CTNNA3: variants seen among roughly 807,000 people sequenced by gnomAD.
CTNNA3 encodes the protein catenin alpha-3.
Under a neutral mutation model 95.7 loss-of-function variants are expected in CTNNA3, and 76 were observed. The observed-to-expected ratio is 0.79, with a 90% confidence interval of 0.66 to 0.96. CTNNA3 has a LOEUF of 0.96. CTNNA3 is among the 40% of genes least tolerant of loss of function. The probability of loss-of-function intolerance (pLI) is 0.00; values close to 1 mark genes in which losing one functional copy is unlikely to be tolerated. For synonymous variants in CTNNA3, 431 were observed against 374.4 expected (o/e 1.15, Z -1.74); for missense variants, 1,191 against 1,089.8 (o/e 1.09, Z -1.31).
At chr10:66,732,883 C>T (rs747508695) in intron 9 of CTNNA3, among the ~76,000 whole-genome samples, 1 of 152,068 alleles carries the variant, frequency 6.6e-6, no homozygotes. Flanking sequence ...GCAACCTCCA[C>T]CTCCCAGGTT....
intron 5 of CTNNA3, among the ~76,000 whole-genome samples, chr10:67,446,269 C>CCCACCCCTACTCCCTAGT: frequency 6.6e-6 from 1 of 152,140 alleles, no homozygotes; most frequent in Non-Finnish European, 1.5e-5. Flanking sequence ...CTCCTACACT[C>CCCACCCCTACTCCCTAGT]CCACCCCTAC....
chr10:66,493,207 A>G (rs1286006366), intron 11 of CTNNA3, among the ~76,000 whole-genome samples: 4 of 152,180 alleles, frequency 2.6e-5, no homozygotes, highest in Admixed American at 6.5e-5. Context: ...CAGGAAACTA[A>G]TGTTCTAACC....
chr10:66,774,528 A>G (rs937849832), intron 8 of CTNNA3, among the ~76,000 whole-genome samples: 1 of 150,524 alleles, frequency 6.6e-6, no homozygotes, highest in African/African-American at 2.5e-5. Flanking sequence ...AGACTTCAAC[A>G]TTATGTTTTT....
chr10:67,669,405 A>G (rs1036645592), intron 1 of CTNNA3, among the ~76,000 whole-genome samples: 3 of 152,180 alleles, frequency 2.0e-5, no homozygotes, highest in Non-Finnish European at 1.5e-5. Flanking sequence ...CCCAAGATTA[A>G]CTATAGAAGG....
At chr10:67,459,589 G>C (rs78041827) in intron 5 of CTNNA3, among the ~76,000 whole-genome samples, 4,802 of 152,174 alleles carry the variant, frequency 0.032, 220 homozygotes, top group African/African-American at 0.098. Context: ...ATAAGATTTA[G>C]AATTCATGAC....
At chr10:67,501,550 A>C (rs1839233643) in intron 5 of CTNNA3, among the ~76,000 whole-genome samples, 1 of 152,148 alleles carries the variant, frequency 6.6e-6, no homozygotes, top group Non-Finnish European at 1.5e-5. Flanking sequence ...TAGTATCCTG[A>C]AGAGTGTTTT....
intron 13 of CTNNA3, among the ~76,000 whole-genome samples, chr10:66,233,082 C>A (rs1483731378): frequency 1.4e-5 from 2 of 141,136 alleles, no homozygotes; most frequent in Non-Finnish European, 3.0e-5. Context: ...ATGGCGTGAA[C>A]CCGGGAGGCG....
At chr10:66,986,216 T>C (rs1403589792) in intron 7 of CTNNA3, among the ~76,000 whole-genome samples, 1 of 152,098 alleles carries the variant, frequency 6.6e-6, no homozygotes, top group Non-Finnish European at 1.5e-5. Flanking sequence ...ATAGCAAGAC[T>C]GCTGGGCATG....
intron 7 of CTNNA3, among the ~76,000 whole-genome samples, chr10:67,073,448 T>C (rs563663157): frequency 2.6e-5 from 4 of 152,300 alleles, no homozygotes; most frequent in Non-Finnish European, 4.4e-5. Context: ...TAAACTTCTA[T>C]TTTATGTTTA....
intron 11 of CTNNA3, among the ~76,000 whole-genome samples, chr10:66,394,193 T>C (rs1332660029): frequency 1.3e-5 from 2 of 152,024 alleles, no homozygotes; most frequent in Non-Finnish European, 2.9e-5. Context: ...GCTCTGGTAA[T>C]GTTAACATTC....
At chr10:66,723,426 G>C (rs528663337) in intron 9 of CTNNA3, among the ~76,000 whole-genome samples, 1 of 152,170 alleles carries the variant, frequency 6.6e-6, no homozygotes, top group Admixed American at 6.5e-5. Flanking sequence ...TTGTACCCTT[G>C]TGCACACATA....
chr10:66,181,275 A>G (rs1454348910), intron 13 of CTNNA3, among the ~76,000 whole-genome samples: 1 of 152,170 alleles, frequency 6.6e-6, no homozygotes, highest in African/African-American at 2.4e-5. Context: ...ACTTAATGTA[A>G]ACCATGAAAT....
intron 1 of CTNNA3, among the ~76,000 whole-genome samples, chr10:67,754,714 T>C (rs534704972): frequency 2.0e-5 from 3 of 152,192 alleles, no homozygotes; most frequent in South Asian, 4.2e-4. Context: ...AAGTCTTCTG[T>C]ACAGCAGAGG....
At chr10:66,339,661 G>A (rs952839208) in intron 12 of CTNNA3, among the ~76,000 whole-genome samples, 2 of 151,742 alleles carry the variant, frequency 1.3e-5, no homozygotes, top group African/African-American at 2.4e-5. Context: ...TGCTACTTGA[G>A]TGCCGTCTAA....
intron 9 of CTNNA3, among the ~76,000 whole-genome samples, chr10:66,725,408 G>A (rs1384275275): frequency 1.3e-5 from 2 of 152,116 alleles, no homozygotes; most frequent in South Asian, 2.1e-4. Context: ...GCTGATGTGG[G>A]GAAGAAAAAA....
chr10:66,081,342 T>A (rs1398256743), intron 14 of CTNNA3, among the ~76,000 whole-genome samples: 2 of 152,036 alleles, frequency 1.3e-5, no homozygotes, highest in Non-Finnish European at 2.9e-5. Context: ...CCAGGCCTGG[T>A]GGCTCATGGC....
intron 5 of CTNNA3, among the ~76,000 whole-genome samples, chr10:67,495,543 G>A (rs895010716): frequency 2.6e-5 from 4 of 152,110 alleles, no homozygotes; most frequent in African/African-American, 9.7e-5. Context: ...AGACAGTAGT[G>A]GTAGACCAGC....
intron 5 of CTNNA3, among the ~76,000 whole-genome samples, chr10:67,437,913 G>T (rs1239291345): frequency 6.6e-6 from 1 of 151,862 alleles, no homozygotes; most frequent in Non-Finnish European, 1.5e-5. Flanking sequence ...TAATGGCTTG[G>T]AGGAAAATAA....
chr10:67,292,222 T>G (rs1839865751), intron 5 of CTNNA3, among the ~76,000 whole-genome samples: 1 of 152,018 alleles, frequency 6.6e-6, no homozygotes, highest in Non-Finnish European at 1.5e-5. Flanking sequence ...AAAGTTTGAG[T>G]AATATTTTTA....
Sources: gnomAD v4.1 joint callset for allele counts (sites outside exome capture counted in the v4.1 genomes callset) on GRCh38, gnomAD v4.1.1 for gene constraint, MANE v1.5 for transcripts, NCBI Gene and HGNC (gene_info 2026-07-23, HGNC 2026-07-21) for gene names.